SFMBT2: variants seen among roughly 807,000 people sequenced by gnomAD.
SFMBT2 encodes scm-like with four MBT domains protein 2.
A neutral mutation model predicts 110.1 loss-of-function variants in SFMBT2; 38 were observed. That is an observed-to-expected ratio of 0.35 (90% CI 0.27 to 0.45). SFMBT2 has a LOEUF of 0.45. Among genes scored for constraint, SFMBT2 ranks in the 20% least tolerant of loss-of-function variants. The probability of loss-of-function intolerance (pLI) is 1.00; values close to 1 mark genes in which losing one functional copy is unlikely to be tolerated. For synonymous variants in SFMBT2, 425 were observed against 425.4 expected, an observed-to-expected ratio of 1.00 and a Z score of 0.01; for missense variants, 1,011 against 1,094.9, an observed-to-expected ratio of 0.92 and a Z score of 1.08.
chr10:7,400,871 G>A (rs1044433885), intron 1 of SFMBT2, among the ~76,000 whole-genome samples: 5 of 152,152 alleles, frequency 3.3e-5, no homozygotes, highest in Admixed American at 6.5e-5. Flanking sequence ...GGTGGTTCGC[G>A]CCTGTAATCC....
At chr10:7,348,361 TA>T (rs1844186515) in intron 4 of SFMBT2, 20 of 1,507,980 alleles carry the variant, frequency 1.3e-5, no homozygotes, top group Non-Finnish European at 1.6e-5. Context: ...CAGATGGTTT[TA>T]ATGGCTATAA....
intron 12 of SFMBT2, chr10:7,205,538 A>C (rs1839101913): frequency 1.0e-6 from 1 of 985,294 alleles, no homozygotes; most frequent in African/African-American, 1.7e-5. Flanking sequence ...CAAAACAATG[A>C]ATTGTATAAA....
At chr10:7,337,299 T>C (rs896858707) in intron 4 of SFMBT2, among the ~76,000 whole-genome samples, 4 of 152,242 alleles carry the variant, frequency 2.6e-5, no homozygotes, top group African/African-American at 9.6e-5. Flanking sequence ...AGGGTTTCTT[T>C]GCAAGAGCAT....
intron 8 of SFMBT2, among the ~76,000 whole-genome samples, chr10:7,247,962 C>T (rs1037494934): frequency 6.6e-6 from 1 of 152,180 alleles, no homozygotes; most frequent in African/African-American, 2.4e-5. Context: ...GATCCTTCCA[C>T]CTTGGCCTCC....
At chr10:7,377,886 A>G (rs1845286168) in intron 2 of SFMBT2, among the ~76,000 whole-genome samples, 1 of 143,916 alleles carries the variant, frequency 6.9e-6, no homozygotes, top group Non-Finnish European at 1.5e-5. Flanking sequence ...GACACAGGGG[A>G]GGTGGCACGG....
At chr10:7,208,968 C>A (rs549414792) in intron 11 of SFMBT2, among the ~76,000 whole-genome samples, 2 of 152,274 alleles carry the variant, frequency 1.3e-5, no homozygotes, top group South Asian at 4.1e-4. Flanking sequence ...CTTCTCCCAC[C>A]CCAAATATAT....
intron 4 of SFMBT2, among the ~76,000 whole-genome samples, chr10:7,359,183 C>T (rs929185931): frequency 3.3e-5 from 5 of 152,234 alleles, no homozygotes; most frequent in East Asian, 1.9e-4. Context: ...AAAGCTGCCA[C>T]GGGGCTTCCC....
intron 1 of SFMBT2, among the ~76,000 whole-genome samples, chr10:7,397,358 TTTG>T (rs1185519811): frequency 2.0e-5 from 3 of 151,710 alleles, no homozygotes; most frequent in South Asian, 4.2e-4. Flanking sequence ...CTTGCGGTTG[TTTG>T]TTGTTGTTTT....
chr10:7,186,427 C>T (rs549028501), intron 16 of SFMBT2, among the ~76,000 whole-genome samples: 3 of 88,526 alleles, frequency 3.4e-5, no homozygotes, highest in Admixed American at 1.2e-4. Flanking sequence ...ACTATATATA[C>T]ACACACACAC....
At chr10:7,285,677 T>C (rs1194455595) in intron 5 of SFMBT2, 189 bp downstream of exon 5, 2 of 561,178 alleles carry the variant, frequency 3.6e-6, no homozygotes, top group African/African-American at 3.8e-5. Flanking sequence ...ACAGGGGAAG[T>C]TTCATCAATG....
chr10:7,335,238 A>AT (rs1333293836), intron 4 of SFMBT2, among the ~76,000 whole-genome samples: 1 of 152,248 alleles, frequency 6.6e-6, no homozygotes, highest in African/African-American at 2.4e-5. Flanking sequence ...GACAACGTGA[A>AT]TATAATTAAT....
chr10:7,266,999 A>G (rs1326814742), intron 7 of SFMBT2, among the ~76,000 whole-genome samples: 6 of 152,232 alleles, frequency 3.9e-5, no homozygotes, highest in African/African-American at 9.6e-5. Flanking sequence ...TTTCCTAAAT[A>G]TAAGAGTGGT....
chr10:7,332,465 T>G (rs1380508516), intron 4 of SFMBT2, among the ~76,000 whole-genome samples: 1 of 152,190 alleles, frequency 6.6e-6, no homozygotes, highest in Non-Finnish European at 1.5e-5. Flanking sequence ...GGAGGGAAGG[T>G]GCAGAAAAAG....
chr10:7,392,881 G>A (rs978026100), intron 1 of SFMBT2, among the ~76,000 whole-genome samples: 4 of 149,634 alleles, frequency 2.7e-5, no homozygotes, highest in African/African-American at 9.8e-5. Context: ...TATTTCATCA[G>A]TTACACCTCT....
intron 7 of SFMBT2, among the ~76,000 whole-genome samples, chr10:7,255,734 G>A (rs1307706426): frequency 6.6e-6 from 1 of 152,122 alleles, no homozygotes; most frequent in African/African-American, 2.4e-5. Context: ...TCCAGAGCCT[G>A]AGCAGTTCTC....
intron 1 of SFMBT2, among the ~76,000 whole-genome samples, chr10:7,392,691 G>C (rs1319697424): frequency 6.6e-6 from 1 of 151,860 alleles, no homozygotes; most frequent in East Asian, 1.9e-4. Flanking sequence ...CCTTTTCGTG[G>C]TTTCTTTTGA....
intron 1 of SFMBT2, among the ~76,000 whole-genome samples, chr10:7,410,272 C>T (rs1846336840): frequency 6.6e-6 from 1 of 152,258 alleles, no homozygotes; most frequent in Admixed American, 6.5e-5. Flanking sequence ...CAAATGTTTC[C>T]AAGGGAGCGA....
At chr10:7,186,223 G>C (rs534276796) in intron 16 of SFMBT2, among the ~76,000 whole-genome samples, 2 of 151,982 alleles carry the variant, frequency 1.3e-5, no homozygotes, top group South Asian at 4.2e-4. Context: ...TTTACTCTTA[G>C]GAGGTGGAAA....
intron 4 of SFMBT2, among the ~76,000 whole-genome samples, chr10:7,361,193 T>C (rs1329099485): frequency 6.6e-6 from 1 of 152,204 alleles, no homozygotes; most frequent in Non-Finnish European, 1.5e-5. Flanking sequence ...AATTTTCTTA[T>C]TGATAAACAA....
Sources: allele counts gnomAD v4.1 joint callset (sites outside exome capture counted in the v4.1 genomes callset), GRCh38; gene constraint gnomAD v4.1.1; transcripts MANE v1.5; gene names NCBI Gene and HGNC (gene_info 2026-07-23, HGNC 2026-07-21).